The following KCNG2 variants were observed in gnomAD, a reference collection of about 807,000 sequenced individuals.
KCNG2 encodes voltage-gated potassium channel regulatory subunit KCNG2.
KCNG2 carries 7 observed loss-of-function variants against 12.3 expected under a neutral mutation model. That is an observed-to-expected ratio of 0.57 (90% CI 0.32 to 1.07). The LOEUF (loss-of-function observed/expected upper bound fraction) is 1.07. Ranked by LOEUF, KCNG2 falls within the 50% of genes least tolerant of loss-of-function variation. The pLI is 0.04. For synonymous variants in KCNG2, 414 were observed against 351.4 expected (o/e 1.18, Z -1.99); for missense variants, 703 against 726.0 (o/e 0.97, Z 0.36).
chr18:79,899,364 CGCTGCGCGCGCGA>C lies in KCNG2; in HGVS notation c.951_963del (p.Cys318SerfsTer46), dbSNP rs1568276649. ...GCGTTCGCTGGGCCTGACCATGCGC[CGCTGCGCGCGCGA>C]GTTCGGGCTGCTGCTGCTGTTCCTC... On this transcript the variant is annotated frameshift_variant, in exon 4 of 4. Transcript: ENST00000316249. LOFTEE classifies it low-confidence loss of function (END_TRUNC). 6.4e-7 allele frequency: 1 copy of C among 1,553,844 alleles called. No homozygotes were observed. Among genetic ancestry groups the C allele is most frequent in the African/African-American group, 1.4e-5 (1 of 72,344 alleles).
chr18:79,809,265 T>C (rs796987626), intron 1 of KCNG2, among the ~76,000 whole-genome samples: 50 of 50,950 alleles, frequency 9.8e-4, no homozygotes, highest in Non-Finnish European at 1.5e-3. Flanking sequence ...GAGTCCGCGC[T>C]CTGAGGAGCT....
chr18:79,829,812 G>A (rs1207162831), intron 1 of KCNG2, among the ~76,000 whole-genome samples: 1 of 152,218 alleles, frequency 6.6e-6, no homozygotes, highest in Non-Finnish European at 1.5e-5. Context: ...GGGGCCTTGT[G>A]TCTGAGCCTC....
At chr18:79,824,304 G>T (rs2087595598) in intron 1 of KCNG2, among the ~76,000 whole-genome samples, 1 of 152,208 alleles carries the variant, frequency 6.6e-6, no homozygotes, top group African/African-American at 2.4e-5. Context: ...GGCCATAAAT[G>T]GACTTTTCCA....
intron 3 of KCNG2, among the ~76,000 whole-genome samples, chr18:79,876,615 T>G (rs989091935): frequency 8.5e-5 from 13 of 152,212 alleles, no homozygotes; most frequent in Non-Finnish European, 1.6e-4. Flanking sequence ...TGCGAGCAGC[T>G]TGCTCACCTG....
At chr18:79,865,254 AGGTCTGGGTGCT>A (rs1979431205) in intron 3 of KCNG2, among the ~76,000 whole-genome samples, 1 of 118,418 alleles carries the variant, frequency 8.4e-6, no homozygotes, top group Non-Finnish European at 1.7e-5. Context: ...GTGGGTGCTG[AGGTCTGGGTGCT>A]GAGGTCTGTG....
At chr18:79,807,270 T>C (rs1599362466) in intron 1 of KCNG2, among the ~76,000 whole-genome samples, 1 of 152,198 alleles carries the variant, frequency 6.6e-6, no homozygotes, top group East Asian at 1.9e-4. Context: ...TGAGGTCCTC[T>C]GAGGGAGATG....
At chr18:79,887,287 C>A (rs114243070) in intron 3 of KCNG2, among the ~76,000 whole-genome samples, 2,563 of 152,028 alleles carry the variant, frequency 0.017, 78 homozygotes, top group African/African-American at 0.058. Flanking sequence ...GGACAGGACA[C>A]AGGGACGGAA....
chr18:79,872,280 G>GTTGTTTTTTT (rs1979867127), intron 3 of KCNG2, among the ~76,000 whole-genome samples: 1 of 73,410 alleles, frequency 1.4e-5, no homozygotes, highest in Admixed American at 2.4e-4. Context: ...CAAAGCTTCA[G>GTTGTTTTTTT]TTTTTTTTTT....
chr18:79,817,856 A>C (rs2087541584), intron 1 of KCNG2, among the ~76,000 whole-genome samples: 1 of 151,676 alleles, frequency 6.6e-6, no homozygotes, highest in Non-Finnish European at 1.5e-5. Flanking sequence ...CCCCTCTCTC[A>C]TTCCTGGTTT....
At chr18:79,880,987 C>T (rs766199602) in intron 3 of KCNG2, among the ~76,000 whole-genome samples, 40 of 152,278 alleles carry the variant, frequency 2.6e-4, no homozygotes, top group Middle Eastern at 3.4e-3. Context: ...CCAAAAAAAC[C>T]CTACAGCTAA....
In KCNG2 at chr18:79,899,774, C is replaced by A; in HGVS notation, c.1359C>A (p.Ala453=). 1 of 1,492,660 alleles carries A rather than the reference C, an allele frequency of 6.7e-7. No individual in the cohort carries two copies. Among genetic ancestry groups the A allele is most frequent in the East Asian group, 2.6e-5 (1 of 38,764 alleles). The allele number at this position is 1,492,660 out of a possible 1,614,324, so 92.5% of individuals were successfully genotyped here. ...SSQGPDSAGL[A]DDSADALWVR... ...AGGGCCCCGACAGCGCGGGCCTGGCCGACGACTCCGCGGATGCGCTGTGGG... is the reference window on the plus strand; with the variant it reads ...AGGGCCCCGACAGCGCGGGCCTGGCAGACGACTCCGCGGATGCGCTGTGGG... Residue 453 remains alanine (A), a synonymous_variant, in exon 4 of 4, where the codon GCC becomes GCA. Coordinates refer to ENST00000316249, the MANE Select transcript of KCNG2 (RefSeq NM_012283.2).
At chr18:79,829,706 C>A (rs965057362) in intron 1 of KCNG2, among the ~76,000 whole-genome samples, 1 of 152,224 alleles carries the variant, frequency 6.6e-6, no homozygotes, top group African/African-American at 2.4e-5. Context: ...CTACACTGTA[C>A]TGGCTGTTTG....
intron 1 of KCNG2, among the ~76,000 whole-genome samples, chr18:79,846,217 C>CA (rs1178414805): frequency 7.4e-6 from 1 of 135,002 alleles, no homozygotes; most frequent in Non-Finnish European, 1.6e-5. Flanking sequence ...CTAAAAAATA[C>CA]AAAAAATTGG....
In KCNG2 at chr18:79,837,488, C is replaced by T. The variant is rs1479317204; in HGVS notation, c.-114-18891C>T. Among the ~76,000 whole-genome samples, 3 of 152,244 alleles carry T rather than the reference C, an allele frequency of 2.0e-5. No individual in the cohort carries two copies. The East Asian group carries it at 5.8e-4, about 29-fold the overall frequency. On this transcript the variant is annotated intron_variant, in intron 1 of 3. Transcript: ENST00000316249. ...TGGGGACTCTATGTGGGGCTCCAAC[C>T]CCACATTTCCCCTCTGCTTTACTCT...
In KCNG2 at chr18:79,830,197, G is replaced by A. The variant is rs1978291720; in HGVS notation, c.-114-26182G>A. Reference sequence around the variant, plus strand: ...GACCTGTTGTGAGAAGACGAATCGTGTCCATCTGCTAAGGGTTCATGGTCC... The same window carrying A: ...GACCTGTTGTGAGAAGACGAATCGTATCCATCTGCTAAGGGTTCATGGTCC... On this transcript the variant is annotated intron_variant, in intron 1 of 3. Coordinates refer to ENST00000316249, the MANE Select transcript of KCNG2 (RefSeq NM_012283.2). 1.3e-5 allele frequency among the ~76,000 whole-genome samples: 2 copies of A among 152,162 alleles called. 1 individual carries two copies. The highest frequency in any genetic ancestry group is 4.8e-5 in the African/African-American group (2 of 41,442).
At chr18:79,818,669 C>G (rs535668864) in intron 1 of KCNG2, among the ~76,000 whole-genome samples, 1 of 152,344 alleles carries the variant, frequency 6.6e-6, no homozygotes, top group Non-Finnish European at 1.5e-5. Context: ...GCTGGGCACT[C>G]TCTGGTCTGA....
At chr18:79,851,126 C>T (rs1285300273) in intron 1 of KCNG2, among the ~76,000 whole-genome samples, 3 of 151,646 alleles carry the variant, frequency 2.0e-5, no homozygotes, top group Middle Eastern at 3.2e-3. Flanking sequence ...AGGACGTTCC[C>T]GAGAGTAAGA....
intron 3 of KCNG2, among the ~76,000 whole-genome samples, chr18:79,866,385 G>T (rs1444389024): frequency 3.1e-5 from 4 of 129,410 alleles, no homozygotes; most frequent in Admixed American, 1.5e-4. Flanking sequence ...AGGTCTGGGT[G>T]CTGAGAGGTC....
intron 1 of KCNG2, among the ~76,000 whole-genome samples, chr18:79,834,704 T>C (rs1053916237): frequency 6.6e-6 from 1 of 152,166 alleles, no homozygotes; most frequent in Non-Finnish European, 1.5e-5. Context: ...AGCCAGCAAG[T>C]CTAGCAGACA....
Sources: gnomAD v4.1 joint callset for allele counts (sites outside exome capture counted in the v4.1 genomes callset) on GRCh38, gnomAD v4.1.1 for gene constraint, MANE v1.5 for transcripts, NCBI Gene and HGNC (gene_info 2026-07-23, HGNC 2026-07-21) for gene names.